Variants in XRCC2 observed in about 807,000 individuals in gnomAD.
The protein encoded by XRCC2 is DNA repair protein XRCC2.
XRCC2 carries 24 observed loss-of-function variants against 27.3 expected under a neutral mutation model. The ratio of observed to expected loss-of-function variants is 0.88; its 90% CI spans 0.64 to 1.24. The LOEUF (loss-of-function observed/expected upper bound fraction) is 1.24. Ranked by LOEUF, XRCC2 falls within the 50% of genes most tolerant of loss-of-function variation. XRCC2 has a pLI of 0.00. For synonymous variants in XRCC2, 106 were observed against 115.4 expected (o/e 0.92, Z 0.52); for missense variants, 321 against 325.8 (o/e 0.99, Z 0.11).
intron 1 of XRCC2, among the ~76,000 whole-genome samples, chr7:152,669,717 A>G (rs1412402290): frequency 6.6e-6 from 1 of 151,842 alleles, no homozygotes; most frequent in African/African-American, 2.4e-5. Flanking sequence ...ACCGGTGAAC[A>G]TTTCATGCAA....
intron 1 of XRCC2, among the ~76,000 whole-genome samples, chr7:152,667,821 T>C (rs2098036596): frequency 6.6e-6 from 1 of 151,740 alleles, no homozygotes; most frequent in African/African-American, 2.4e-5. Context: ...AGGTCAGGAG[T>C]TCCAGACCAG....
At chr7:152,657,960 G>GTTTTTTTTTT (rs200730687) in intron 2 of XRCC2, among the ~76,000 whole-genome samples, 3 of 136,226 alleles carry the variant, frequency 2.2e-5, no homozygotes, top group African/African-American at 5.6e-5. Flanking sequence ...TTTTGTCTTT[G>GTTTTTTTTTT]TTTTTTTTTT....
intron 2 of XRCC2, among the ~76,000 whole-genome samples, chr7:152,649,971 A>C (rs928219762): frequency 1.3e-5 from 2 of 152,146 alleles, no homozygotes; most frequent in Non-Finnish European, 2.9e-5. Context: ...CGTGGAAGAC[A>C]GAAGGTACCC....
chr7:152,675,736 G>T lies in XRCC2; in HGVS notation c.39+305C>A, dbSNP rs3218386. Among the ~76,000 whole-genome samples, 32 of 152,274 alleles carry T rather than the reference G, an allele frequency of 2.1e-4. No homozygotes were observed. The East Asian group carries it at 5.4e-3, about 26-fold the overall frequency. On this transcript the variant is annotated intron_variant, in intron 1 of 2. Transcript: ENST00000359321. ...GGGGTTTTTAGACCATAACTCTTGGGAGGAGAGACCTCGTATGTTATATCG... is the reference window on the plus strand; with the variant it reads ...GGGGTTTTTAGACCATAACTCTTGGTAGGAGAGACCTCGTATGTTATATCG...
At chr7:152,657,262 T>C (rs899143672) in intron 2 of XRCC2, among the ~76,000 whole-genome samples, 2 of 150,108 alleles carry the variant, frequency 1.3e-5, no homozygotes, top group African/African-American at 4.9e-5. Context: ...AGTATAAACG[T>C]GTTTTTGTAT....
chr7:152,654,807 C>CAAA (rs745949665), intron 2 of XRCC2, among the ~76,000 whole-genome samples: 8 of 152,162 alleles, frequency 5.3e-5, no homozygotes, highest in Non-Finnish European at 1.2e-4. Flanking sequence ...ATAAAAAAGG[C>CAAA]TTTTATAACA....
At chr7:152,653,204 A>G (rs1275737863) in intron 2 of XRCC2, among the ~76,000 whole-genome samples, 1 of 152,080 alleles carries the variant, frequency 6.6e-6, no homozygotes, top group African/African-American at 2.4e-5. Flanking sequence ...ATTTTCCTGT[A>G]CAAGCTCTCT....
intron 1 of XRCC2, among the ~76,000 whole-genome samples, chr7:152,664,763 C>T (rs1271267799): frequency 1.3e-5 from 2 of 152,026 alleles, no homozygotes; most frequent in African/African-American, 4.8e-5. Context: ...AAGACAGGCC[C>T]CAAGGAATGT....
chr7:152,667,882 G>A (rs956641657), intron 1 of XRCC2, among the ~76,000 whole-genome samples: 3 of 151,872 alleles, frequency 2.0e-5, no homozygotes, highest in Non-Finnish European at 2.9e-5. Flanking sequence ...CAAAAAATTA[G>A]CTAGGCATGG....
In XRCC2 at chr7:152,649,271, C is replaced by T. The variant is rs2116988326; in HGVS notation, c.214G>A (p.Gly72Ser). 1.2e-6 allele frequency: 2 copies of T among 1,613,742 alleles called. No homozygotes were observed. Among genetic ancestry groups the T allele is most frequent in the South Asian group, 2.2e-5 (2 of 91,072 alleles). The change falls in exon 3 of 3, where the codon GGT (glycine) becomes AGT (serine). Residue 72 changes from glycine (G) to serine (S), a missense_variant. Gly to Ser is a moderately conservative substitution (Grantham distance 56, BLOSUM62 0). Transcript: ENST00000359321. Reference sequence around the variant, plus strand: ...AATAAGACTTCTACTTCCAGGCCACCTTCTGATTTGGGAAGTATACATCGT... The same window carrying T: ...AATAAGACTTCTACTTCCAGGCCACTTTCTGATTTGGGAAGTATACATCGT... ...TARCILPKSE[G>S]GLEVEVLFID...
chr7:152,667,945 T>A (rs980515484), intron 1 of XRCC2, among the ~76,000 whole-genome samples: 2 of 151,350 alleles, frequency 1.3e-5, no homozygotes, highest in African/African-American at 4.9e-5. Context: ...GGAGAATCAC[T>A]TGAACCCAGA....
intron 2 of XRCC2, among the ~76,000 whole-genome samples, chr7:152,659,521 T>C (rs1046306979): frequency 7.9e-5 from 12 of 152,164 alleles, no homozygotes; most frequent in South Asian, 2.1e-4. Flanking sequence ...TTCAAAGATA[T>C]ACAATTTGCC....
intron 2 of XRCC2, among the ~76,000 whole-genome samples, chr7:152,652,152 G>GA (rs2116991063): frequency 6.7e-6 from 1 of 148,546 alleles, no homozygotes; most frequent in South Asian, 2.2e-4. Context: ...AACAGAGGGA[G>GA]ACCCTGTCTC....
Position 152,649,139 on chromosome 7 carries a change from A to G in XRCC2, c.346T>C (p.Phe116Leu), listed in dbSNP as rs755776842. 2 of 1,613,740 alleles carry G rather than the reference A, an allele frequency of 1.2e-6. No individual in the cohort carries two copies. Among genetic ancestry groups the G allele is most frequent in the Non-Finnish European group, 1.7e-6 (2 of 1,179,912 alleles). Reference sequence around the variant, plus strand: ...GTGCTACTACTGCAGTACACCAAAAAAAATCTTCCCAGGCAGTATTTGATT... The same window carrying G: ...GTGCTACTACTGCAGTACACCAAAAGAAATCTTCCCAGGCAGTATTTGATT... Reference protein sequence around the residue: ...EIIKYCLGRFFLVYCSSSTHL... With the variant: ...EIIKYCLGRFLLVYCSSSTHL... The change falls in exon 3 of 3, where the codon TTT becomes CTT. Residue 116 changes from phenylalanine (F) to leucine (L), a missense_variant. Phe to Leu is a conservative substitution (Grantham distance 22, BLOSUM62 0). Coordinates refer to ENST00000359321, the MANE Select transcript of XRCC2 (RefSeq NM_005431.2).
intron 2 of XRCC2, among the ~76,000 whole-genome samples, chr7:152,656,626 T>C (rs928357849): frequency 1.3e-5 from 2 of 152,228 alleles, no homozygotes; most frequent in Admixed American, 6.5e-5. Flanking sequence ...CTGAACATGA[T>C]GGTGTTTTTC....
Position 152,648,413 on chromosome 7 carries a change from GAA to G in XRCC2, c.*227_*228del, listed in dbSNP as rs10707642. The stretch of plus-strand genomic sequence containing the variant: ...AGACAGAGTAAGACTGTTTCAAAAA[GAA>G]AAAAAAAAAAAAAGAAAACTTTTGG... On this transcript the variant is annotated 3_prime_UTR_variant, in exon 3 of 3. Coordinates refer to ENST00000359321, the MANE Select transcript of XRCC2 (RefSeq NM_005431.2). The G allele has an allele frequency of 0.2, 51,989 of 259,274 alleles. 2,782 individuals carry two copies. Among genetic ancestry groups the G allele is most frequent in the South Asian group, 0.25 (1,981 of 8,012 alleles). The allele number at this position is 259,274 out of a possible 1,614,324, so 16.1% of individuals were successfully genotyped here.
intron 2 of XRCC2, among the ~76,000 whole-genome samples, chr7:152,653,735 T>C (rs1394547680): frequency 6.6e-6 from 1 of 152,140 alleles, no homozygotes; most frequent in Non-Finnish European, 1.5e-5. Flanking sequence ...GTGCTAGACT[T>C]ATAGGCATGC....
chr7:152,649,815 C>T (rs1253650501), intron 2 of XRCC2, among the ~76,000 whole-genome samples: 1 of 152,154 alleles, frequency 6.6e-6, no homozygotes, highest in Admixed American at 6.5e-5. Flanking sequence ...TACCAGGTAA[C>T]ACAGCTGTCG....
chr7:152,652,345 C>A (rs555616635), intron 2 of XRCC2, among the ~76,000 whole-genome samples: 1 of 152,166 alleles, frequency 6.6e-6, no homozygotes, highest in East Asian at 1.9e-4. Flanking sequence ...GCCACTCCTG[C>A]CAAGCATCTT....
Sources: allele counts gnomAD v4.1 joint callset (sites outside exome capture counted in the v4.1 genomes callset), GRCh38; gene constraint gnomAD v4.1.1; transcripts MANE v1.5; gene names NCBI Gene and HGNC (gene_info 2026-07-23, HGNC 2026-07-21).